KDM4C: variants seen among roughly 807,000 people sequenced by gnomAD.
The protein encoded by KDM4C is lysine demethylase 4C.
In KDM4C, 81 loss-of-function variants were observed where a neutral mutation model predicts 129.3. That is an observed-to-expected ratio of 0.63 (90% CI 0.52 to 0.75). KDM4C has a LOEUF of 0.75. Among genes scored for constraint, KDM4C ranks in the 30% least tolerant of loss-of-function variants. The pLI, the probability that KDM4C is intolerant of heterozygous loss-of-function variation, is 0.00. For missense variants in KDM4C, 1,457 were observed against 1,304.0 expected, an observed-to-expected ratio of 1.12 and a Z score of -1.81; for synonymous variants, 573 against 456.1, an observed-to-expected ratio of 1.26 and a Z score of -3.26.
At chr9:6,805,850 G>C in intron 3 of KDM4C, 76 bp downstream of exon 3, 7 of 1,346,174 alleles carry the variant, frequency 5.2e-6, no homozygotes, top group Non-Finnish European at 5.0e-6. Context: ...AGTAGACAGA[G>C]GAGCTTATAA....
At chr9:6,740,044 C>A (rs978147983) in intron 1 of KDM4C, among the ~76,000 whole-genome samples, 1 of 151,952 alleles carries the variant, frequency 6.6e-6, no homozygotes, top group Non-Finnish European at 1.5e-5. Flanking sequence ...CGCGCGCCAC[C>A]ACACTCAGCT....
rs138106983 is a variant in KDM4C, at chr9:6,863,294, A to G, written c.629+13594A>G. On this transcript the variant is annotated intron_variant, in intron 5 of 21. Transcript: ENST00000381309. ...TTCTTTGGGGCTTCATACTGGAGTT[A>G]TGTGTGGATTCCATCTGACTTTCCT... 4.6e-5 allele frequency among the ~76,000 whole-genome samples: 7 copies of G among 152,128 alleles called. No individual in the cohort carries two copies. In the East Asian group the frequency reaches 9.7e-4, roughly 21 times the overall value.
At chr9:6,917,678 C>G (rs1820570294) in intron 8 of KDM4C, among the ~76,000 whole-genome samples, 1 of 152,212 alleles carries the variant, frequency 6.6e-6, no homozygotes, top group Admixed American at 6.5e-5. Flanking sequence ...CTCCCTCTCT[C>G]CTCCTGTCTC....
chr9:7,058,578 C>G (rs944826767), intron 17 of KDM4C, among the ~76,000 whole-genome samples: 1 of 152,122 alleles, frequency 6.6e-6, no homozygotes. Context: ...ATACATCAAA[C>G]CAAGGCATCA....
At chr9:6,814,495 C>T (rs1831721441) in intron 3 of KDM4C, 136 bp from the exon 4 acceptor site, 1 of 530,262 alleles carries the variant, frequency 1.9e-6, no homozygotes, top group African/African-American at 1.9e-5. Context: ...TGTATGTTTA[C>T]TTGTTAGAAT....
intron 8 of KDM4C, among the ~76,000 whole-genome samples, chr9:6,950,037 G>A (rs914638376): frequency 2.0e-4 from 27 of 135,818 alleles, no homozygotes; most frequent in African/African-American, 6.8e-4. Flanking sequence ...CCACCCATGT[G>A]GCTGGTTTTT....
chr9:6,753,868 CTTTTTTTTTTTTT>C (rs869158656), upstream of KDM4C, among the ~76,000 whole-genome samples: 11 of 80,368 alleles, frequency 1.4e-4, no homozygotes, highest in Non-Finnish European at 2.0e-4. Context: ...TCATTGAATT[CTTTTTTTTTTTTT>C]TTTTTTTTTT....
intron 8 of KDM4C, chr9:6,893,461 A>C: frequency 2.9e-6 from 1 of 344,814 alleles, no homozygotes; most frequent in Admixed American, 4.8e-5. Flanking sequence ...TTACCCTGAT[A>C]GGTAATTTGA....
chr9:6,847,207 C>T (rs764568614), intron 4 of KDM4C, among the ~76,000 whole-genome samples: 1 of 152,172 alleles, frequency 6.6e-6, no homozygotes. Flanking sequence ...ATATGGTGCT[C>T]ATTTATTACT....
intron 12 of KDM4C, among the ~76,000 whole-genome samples, chr9:6,994,049 G>T (rs751298794): frequency 1.3e-5 from 2 of 152,140 alleles, no homozygotes; most frequent in Admixed American, 1.3e-4. Context: ...GGTGGGGATG[G>T]TTTTGGGATA....
At chr9:6,856,372 A>G (rs1839806284) in intron 5 of KDM4C, among the ~76,000 whole-genome samples, 1 of 152,174 alleles carries the variant, frequency 6.6e-6, no homozygotes, top group African/African-American at 2.4e-5. Flanking sequence ...TTTTGTCTAG[A>G]AAAAATGCAC....
chr9:6,755,520 C>G (rs927886851), upstream of KDM4C, among the ~76,000 whole-genome samples: 2 of 152,116 alleles, frequency 1.3e-5, no homozygotes, highest in African/African-American at 2.4e-5. Context: ...TGCACTCCAG[C>G]CTGGGCAACA....
At chr9:7,099,178 A>G (rs1836794771) in intron 17 of KDM4C, among the ~76,000 whole-genome samples, 1 of 152,220 alleles carries the variant, frequency 6.6e-6, no homozygotes, top group Non-Finnish European at 1.5e-5. Flanking sequence ...CTATTTTGGA[A>G]TACCTGCCTG....
rs141433995 is a variant in KDM4C at position 6,740,691 on chromosome 9, C to G, written c.49+19694C>G. 9.6e-3 allele frequency among the ~76,000 whole-genome samples: 1,444 copies of G among 150,580 alleles called. 22 individuals carry two copies. Among genetic ancestry groups the G allele is most frequent in the African/African-American group, 0.033 (1,374 of 41,062 alleles). On this transcript the variant is annotated intron_variant, in intron 1 of 17. Coordinates refer to the KDM4C transcript ENST00000536108. ...GCGCCACCACATCCAGCAAATTTTTCTATTTTTAGTAGAGATGGGGATTCA... is the reference window on the plus strand; with the variant it reads ...GCGCCACCACATCCAGCAAATTTTTGTATTTTTAGTAGAGATGGGGATTCA...
At chr9:7,114,640 G>A (rs1489428675) in intron 18 of KDM4C, among the ~76,000 whole-genome samples, 1 of 152,142 alleles carries the variant, frequency 6.6e-6, no homozygotes, top group African/African-American at 2.4e-5. Flanking sequence ...AGGCATTTTG[G>A]TGTAGGTGTT....
chr9:6,856,747 A>ATT (rs781673639), intron 5 of KDM4C, among the ~76,000 whole-genome samples: 1,179 of 104,240 alleles, frequency 0.011, 44 homozygotes, highest in African/African-American at 0.033. Flanking sequence ...TAATTTTTGT[A>ATT]TTTTTTTTTT....
rs868632173 is a variant in KDM4C, at chr9:6,779,450, C to T, written c.-17-13522C>T. On this transcript the variant is annotated intron_variant, in intron 1 of 21. Transcript: ENST00000381309. ...TGGGTCTGAAGAAATAGTTCTGGCA[C>T]GATTCCTGACCCCTAGATCATAACT... Among the ~76,000 whole-genome samples, 12 of 152,308 alleles carry T rather than the reference C, an allele frequency of 7.9e-5. No homozygotes were observed. The South Asian group carries it at 1.4e-3, about 18-fold the overall frequency.
intron 17 of KDM4C, among the ~76,000 whole-genome samples, chr9:7,091,896 C>T (rs1835847851): frequency 6.6e-6 from 1 of 152,200 alleles, no homozygotes; most frequent in South Asian, 2.1e-4. Flanking sequence ...CTTGTCCTGA[C>T]ACAGGTCTCA....
At chr9:6,728,662 T>A (rs950263286) in intron 1 of KDM4C, among the ~76,000 whole-genome samples, 3 of 151,258 alleles carry the variant, frequency 2.0e-5, no homozygotes, top group Admixed American at 1.3e-4. Flanking sequence ...CTGACCAACA[T>A]GGGGAAACCC....
Sources: allele counts gnomAD v4.1 joint callset (sites outside exome capture counted in the v4.1 genomes callset), GRCh38; gene constraint gnomAD v4.1.1; transcripts MANE v1.5; gene names NCBI Gene and HGNC (gene_info 2026-07-23, HGNC 2026-07-21).